Variants in MIA2 observed in about 807,000 individuals in gnomAD.
MIA2 encodes the protein melanoma inhibitory activity protein 2.
A neutral mutation model predicts 167.8 loss-of-function variants in MIA2; 127 were observed. The observed-to-expected ratio is 0.76, with a 90% CI of 0.66 to 0.88. The LOEUF (loss-of-function observed/expected upper bound fraction) is 0.88. Ranked by LOEUF, MIA2 falls within the 40% of genes least tolerant of loss-of-function variation. The pLI, the probability that MIA2 is intolerant of heterozygous loss-of-function variation, is 0.00. For missense variants in MIA2, 1,690 were observed against 1,624.7 expected, an observed-to-expected ratio of 1.04 and a Z score of -0.69; for synonymous variants, 552 against 541.9, an observed-to-expected ratio of 1.02 and a Z score of -0.26.
At position 39,304,275 on chromosome 14, in the gene MIA2, C is replaced by A; in HGVS notation, c.2788-16C>A. ...ACTGATTAATGTTACTTTTTTCCTT[C>A]TTCCCTTCTTTAAAGTTAAATGCTT... On this transcript the variant is annotated splice_polypyrimidine_tract_variant and intron_variant, in intron 16 of 28. Coordinates refer to ENST00000640607, the MANE Select transcript of MIA2 (RefSeq NM_001329214.4). 8.1e-7 allele frequency: 1 copy of A among 1,235,450 alleles called. No individual in the cohort carries two copies. Among genetic ancestry groups the A allele is most frequent in the Non-Finnish European group, 1.1e-6 (1 of 877,662 alleles). 76.5% of individuals were successfully genotyped at this position (1,235,450 alleles called of 1,614,324 possible).
intron 6 of MIA2, 120 bp from the exon 7 acceptor site, chr14:39,276,814 C>A (rs1236552330): frequency 3.0e-6 from 3 of 1,002,242 alleles, no homozygotes; most frequent in Admixed American, 2.7e-5. Flanking sequence ...CTGATACTTT[C>A]TGTTTGGTGT....
In MIA2 at chr14:39,356,452, T is replaced by C. The variant is rs145671402; in HGVS notation, c.2248+7475T>C. Among the ~76,000 whole-genome samples the C allele has an allele frequency of 9.8e-5, 15 of 152,330 alleles. No individual in the cohort carries two copies. In the East Asian group the frequency reaches 2.9e-3, roughly 29 times the overall value. On this transcript the variant is annotated intron_variant, in intron 23 of 23. Coordinates refer to the MIA2 transcript ENST00000341502. ...GTTTGATTCTTCTCTCATTTCTTCT[T>C]TATTAGTCTTGCTAGTGGTCTATCA...
At chr14:39,347,818 CTT>C (rs59832680) in intron 27 of MIA2, 47 bp downstream of exon 27, 54,273 of 697,082 alleles carry the variant, frequency 0.078, 17 homozygotes, top group Non-Finnish European at 0.085. Context: ...CAGAAGCCTT[CTT>C]TTTTTTTTTT....
intron 23 of MIA2, among the ~76,000 whole-genome samples, chr14:39,365,457 T>G (rs2074799810): frequency 6.6e-6 from 1 of 152,258 alleles, no homozygotes; most frequent in East Asian, 1.9e-4. Flanking sequence ...GTACATCACA[T>G]AGGCTTTGTT....
intron 6 of MIA2, among the ~76,000 whole-genome samples, chr14:39,273,519 AT>A (rs1032319772): frequency 1.6e-4 from 24 of 151,840 alleles, no homozygotes; most frequent in Non-Finnish European, 2.6e-4. Flanking sequence ...TGCTTGGCTA[AT>A]TTTTGTTGAA....
chr14:39,251,806 C>T (rs1570131), intron 4 of MIA2, among the ~76,000 whole-genome samples: 98,461 of 152,014 alleles, frequency 0.65, 33,193 homozygotes, highest in African/African-American at 0.84. Context: ...TTAAGACTCA[C>T]AAGCTCAAAG....
chr14:39,374,625 C>T (rs1274190395), intron 23 of MIA2, among the ~76,000 whole-genome samples: 1 of 152,176 alleles, frequency 6.6e-6, no homozygotes, highest in African/African-American at 2.4e-5. Context: ...AGTGTGTGTT[C>T]ATCCCAAGAG....
intron 6 of MIA2, among the ~76,000 whole-genome samples, chr14:39,256,768 T>C (rs1216381530): frequency 6.6e-6 from 1 of 151,990 alleles, no homozygotes; most frequent in Admixed American, 6.6e-5. Flanking sequence ...ATAGGAATTA[T>C]GAGTAAAAAA....
chr14:39,313,315 A>C, intron 18 of MIA2, 25 bp from the exon 19 acceptor site: 1 of 1,250,718 alleles, frequency 8.0e-7, no homozygotes, highest in Non-Finnish European at 1.2e-6. Context: ...GTATTAAGAG[A>C]ATTATAACAT....
chr14:39,272,005 T>G (rs979988705), intron 6 of MIA2, among the ~76,000 whole-genome samples: 2 of 151,914 alleles, frequency 1.3e-5, no homozygotes, highest in Non-Finnish European at 2.9e-5. Flanking sequence ...TTTGTGAGTA[T>G]GCAAAAAAGG....
intron 22 of MIA2, 127 bp from the exon 23 acceptor site, chr14:39,319,082 T>TGGTC: frequency 4.4e-6 from 2 of 453,980 alleles, no homozygotes; most frequent in Admixed American, 7.4e-5. Context: ...AGAATAATTT[T>TGGTC]AGAGGATCTG....
chr14:39,245,241 T>C (rs2054244847), intron 3 of MIA2, among the ~76,000 whole-genome samples: 1 of 152,040 alleles, frequency 6.6e-6, no homozygotes, highest in Admixed American at 6.6e-5. Context: ...GTGTCCAGCG[T>C]TTTGGTGCAA....
chr14:39,358,875 T>C (rs1472644360), intron 23 of MIA2, among the ~76,000 whole-genome samples: 1 of 152,192 alleles, frequency 6.6e-6, no homozygotes, highest in Admixed American at 6.5e-5. Flanking sequence ...CGGATATTGG[T>C]GAACAGCCAA....
intron 6 of MIA2, among the ~76,000 whole-genome samples, chr14:39,262,963 A>G (rs1194214051): frequency 1.3e-5 from 2 of 152,216 alleles, no homozygotes; most frequent in Non-Finnish European, 2.9e-5. Context: ...ACCTGCAAAC[A>G]GGGGCAATTT....
At position 39,249,622 on chromosome 14, in the gene MIA2, A is replaced by G. The variant is rs138956367; in HGVS notation, c.1567+1481A>G. The stretch of plus-strand genomic sequence containing the variant: ...TCAACAGTGGGCAACAGAATATAAG[A>G]TAATACTTTCAGATCTAGATGTCCA... On this transcript the variant is annotated intron_variant, in intron 4 of 28. Coordinates refer to ENST00000640607, the MANE Select transcript of MIA2 (RefSeq NM_001329214.4). Among the ~76,000 whole-genome samples, 1,008 of 152,300 alleles carry G rather than the reference A, an allele frequency of 6.6e-3. 7 individuals are homozygous for G. The highest frequency in any genetic ancestry group is 0.023 in the African/African-American group (957 of 41,562).
chr14:39,293,899 C>G, intron 11 of MIA2, 101 bp from the exon 12 acceptor site: 2 of 868,958 alleles, frequency 2.3e-6, no homozygotes, highest in South Asian at 3.0e-5. Flanking sequence ...TTGAGCTTCA[C>G]TTATGGAGCT....
intron 9 of MIA2, among the ~76,000 whole-genome samples, chr14:39,280,331 C>T (rs937385934): frequency 3.3e-5 from 5 of 151,192 alleles, no homozygotes; most frequent in Non-Finnish European, 2.9e-5. Flanking sequence ...TGTGAACATT[C>T]TTCTACAAGT....
intron 23 of MIA2, 29 bp downstream of exon 23, chr14:39,319,320 A>C: frequency 8.1e-7 from 1 of 1,239,620 alleles, no homozygotes; most frequent in Non-Finnish European, 1.1e-6. Context: ...CCCCTCATTT[A>C]AAATACATAT....
intron 25 of MIA2, among the ~76,000 whole-genome samples, chr14:39,344,235 T>C (rs2072700069): frequency 6.6e-6 from 1 of 152,176 alleles, no homozygotes; most frequent in South Asian, 2.1e-4. Flanking sequence ...GGGGATATAA[T>C]TTAGAAGCAA....
Sources: gnomAD v4.1 joint callset for allele counts (sites outside exome capture counted in the v4.1 genomes callset) on GRCh38, gnomAD v4.1.1 for gene constraint, MANE v1.5 for transcripts, NCBI Gene and HGNC (gene_info 2026-07-23, HGNC 2026-07-21) for gene names.